The following HECW1 variants were observed in gnomAD, a reference collection of about 807,000 sequenced individuals.
HECW1 encodes HECT, C2 and WW domain containing E3 ubiquitin protein ligase 1.
Under a neutral mutation model 182.3 loss-of-function variants are expected in HECW1, and 61 were observed. That is an observed-to-expected ratio of 0.33 (90% CI 0.27 to 0.41). The LOEUF is 0.41. Ranked by LOEUF, HECW1 falls within the 10% of genes least tolerant of loss-of-function variation. The pLI is 1.00. For missense variants in HECW1, 1,739 were observed against 2,108.9 expected, an observed-to-expected ratio of 0.82 and a Z score of 3.44; for synonymous variants, 859 against 832.6, an observed-to-expected ratio of 1.03 and a Z score of -0.55.
At chr7:43,187,834 A>G (rs892612305) in intron 2 of HECW1, among the ~76,000 whole-genome samples, 5 of 152,114 alleles carry the variant, frequency 3.3e-5, no homozygotes, top group African/African-American at 1.2e-4. Flanking sequence ...TGGGAGCTCT[A>G]TATCTCCTAC....
intron 2 of HECW1, among the ~76,000 whole-genome samples, chr7:43,204,012 T>G (rs1377301307): frequency 2.6e-5 from 4 of 152,262 alleles, no homozygotes; most frequent in African/African-American, 9.6e-5. Flanking sequence ...ATTTTGAACT[T>G]GTAATAACAA....
At chr7:43,250,534 C>G (rs1332298597) in intron 3 of HECW1, among the ~76,000 whole-genome samples, 1 of 151,972 alleles carries the variant, frequency 6.6e-6, no homozygotes, top group African/African-American at 2.4e-5. Context: ...ATGTAAAGCC[C>G]TAGGAAGTGC....
chr7:43,405,277 C>A (rs1190284662), intron 7 of HECW1, among the ~76,000 whole-genome samples: 1 of 152,162 alleles, frequency 6.6e-6, no homozygotes, highest in Non-Finnish European at 1.5e-5. Context: ...CTTTCACACT[C>A]TAATAAGTCA....
At chr7:43,507,627 T>C (rs2079640782) in intron 22 of HECW1, among the ~76,000 whole-genome samples, 1 of 152,218 alleles carries the variant, frequency 6.6e-6, no homozygotes, top group South Asian at 2.1e-4. Flanking sequence ...ATTGGTCAAA[T>C]TTAAATTCTT....
intron 24 of HECW1, among the ~76,000 whole-genome samples, chr7:43,521,879 AAAC>A (rs747199635): frequency 2.6e-4 from 40 of 152,352 alleles, no homozygotes; most frequent in South Asian, 1.2e-3. Context: ...TCTCAAAAAT[AAAC>A]AACAACAGAA....
chr7:43,358,931 TCTC>T (rs3032902), intron 5 of HECW1, among the ~76,000 whole-genome samples: 19,037 of 150,954 alleles, frequency 0.13, 1,305 homozygotes, highest in South Asian at 0.26. Flanking sequence ...TTCCAGCAAT[TCTC>T]CTGCTTCAGC....
intron 3 of HECW1, among the ~76,000 whole-genome samples, chr7:43,287,406 C>G (rs988803266): frequency 1.3e-5 from 2 of 151,948 alleles, no homozygotes; most frequent in African/African-American, 2.4e-5. Flanking sequence ...AGCCAGGAGT[C>G]CAGGGTTGCT....
At chr7:43,296,615 A>G (rs1267153686) in intron 3 of HECW1, among the ~76,000 whole-genome samples, 1 of 152,164 alleles carries the variant, frequency 6.6e-6, no homozygotes, top group Non-Finnish European at 1.5e-5. Context: ...TATCCATGTC[A>G]CTTTTGTTTG....
At chr7:43,159,122 T>A (rs1197967361) in intron 2 of HECW1, among the ~76,000 whole-genome samples, 1 of 146,170 alleles carries the variant, frequency 6.8e-6, no homozygotes, top group Non-Finnish European at 1.5e-5. Flanking sequence ...TATTTATTTA[T>A]TTATTTATTT....
chr7:43,527,698 T>C (rs1315884096), intron 24 of HECW1, among the ~76,000 whole-genome samples: 1 of 152,182 alleles, frequency 6.6e-6, no homozygotes, highest in East Asian at 1.9e-4. Flanking sequence ...ATACCTCCCA[T>C]CATGGAAACC....
At chr7:43,306,427 C>G (rs757213965) in intron 3 of HECW1, among the ~76,000 whole-genome samples, 1 of 151,452 alleles carries the variant, frequency 6.6e-6, no homozygotes, top group Non-Finnish European at 1.5e-5. Context: ...GTAACAAAGC[C>G]GAGTGTAGGA....
intron 3 of HECW1, among the ~76,000 whole-genome samples, chr7:43,303,880 C>T (rs1807184142): frequency 6.6e-6 from 1 of 152,036 alleles, no homozygotes; most frequent in Admixed American, 6.6e-5. Context: ...AGTTCCCAAG[C>T]AGAGGTACAA....
intron 24 of HECW1, among the ~76,000 whole-genome samples, chr7:43,540,451 C>A (rs551281054): frequency 6.6e-6 from 1 of 152,322 alleles, no homozygotes; most frequent in Non-Finnish European, 1.5e-5. Flanking sequence ...GTAGCCTCAG[C>A]ATTTTGCTAA....
chr7:43,289,230 C>T (rs940854508), intron 3 of HECW1, among the ~76,000 whole-genome samples: 8 of 152,090 alleles, frequency 5.3e-5, no homozygotes, highest in African/African-American at 1.9e-4. Flanking sequence ...CCTCAGCCTC[C>T]CGAGTAGATG....
intron 3 of HECW1, among the ~76,000 whole-genome samples, chr7:43,306,886 C>G (rs1395609081): frequency 6.6e-6 from 1 of 151,928 alleles, no homozygotes; most frequent in African/African-American, 2.4e-5. Flanking sequence ...TGTTAATGTG[C>G]TATACTCCAT....
chr7:43,305,979 C>T (rs962694788), intron 3 of HECW1, among the ~76,000 whole-genome samples: 1 of 152,078 alleles, frequency 6.6e-6, no homozygotes, highest in Non-Finnish European at 1.5e-5. Context: ...AAGCTGGTCT[C>T]GAACTCCCAA....
At chr7:43,213,826 T>C (rs1242400629) in intron 2 of HECW1, among the ~76,000 whole-genome samples, 2 of 152,170 alleles carry the variant, frequency 1.3e-5, no homozygotes, top group African/African-American at 4.8e-5. Flanking sequence ...TAAAAGACTT[T>C]ACATCATAAA....
chr7:43,537,812 T>C (rs1007269780), intron 24 of HECW1, among the ~76,000 whole-genome samples: 1 of 152,228 alleles, frequency 6.6e-6, no homozygotes, highest in Non-Finnish European at 1.5e-5. Context: ...AGCTATGGCT[T>C]GTTTGTTGCC....
chr7:43,175,699 G>T lies in HECW1; in HGVS notation c.-32+61308G>T, dbSNP rs566594680. Among the ~76,000 whole-genome samples the T allele has an allele frequency of 3.9e-5, 6 of 152,230 alleles. No homozygotes were observed. In the East Asian group the frequency reaches 1.2e-3, roughly 29 times the overall value. ...CCGTGGATGTAAGATGAAGTGTTTTGGGAAAAGCATGAAACCTTTGTGTAA... is the reference window on the plus strand; with the variant it reads ...CCGTGGATGTAAGATGAAGTGTTTTTGGAAAAGCATGAAACCTTTGTGTAA... On this transcript the variant is annotated intron_variant, in intron 2 of 29. Coordinates refer to ENST00000395891, the MANE Select transcript of HECW1 (RefSeq NM_015052.5).
Sources: gnomAD v4.1 joint callset for allele counts (sites outside exome capture counted in the v4.1 genomes callset) on GRCh38, gnomAD v4.1.1 for gene constraint, MANE v1.5 for transcripts, NCBI Gene and HGNC (gene_info 2026-07-23, HGNC 2026-07-21) for gene names.